Variants in PTCHD4 observed in about 807,000 individuals in gnomAD.
The protein encoded by PTCHD4 is patched domain-containing protein 4.
In PTCHD4, 33 loss-of-function variants were observed where a neutral mutation model predicts 58.1. That is an observed-to-expected ratio of 0.57 (90% CI 0.43 to 0.76). The LOEUF (loss-of-function observed/expected upper bound fraction) is 0.76, where lower values mean the gene tolerates loss of function less well. Ranked by LOEUF, PTCHD4 falls within the 30% of genes least tolerant of loss-of-function variation. The pLI, the probability that PTCHD4 is intolerant of heterozygous loss-of-function variation, is 0.00. For synonymous variants in PTCHD4, 478 were observed against 409.6 expected (o/e 1.17, Z -2.02); for missense variants, 1,058 against 1,027.1 (o/e 1.03, Z -0.41).
chr6:48,076,904 T>C (rs1374190657), intron 1 of PTCHD4, among the ~76,000 whole-genome samples: 1 of 152,240 alleles, frequency 6.6e-6, no homozygotes, highest in Admixed American at 6.5e-5. Flanking sequence ...GGTTGAAGTA[T>C]GGCTGCTGGG....
chr6:48,086,807 C>A (rs185794691), intron 1 of PTCHD4, among the ~76,000 whole-genome samples: 316 of 152,214 alleles, frequency 2.1e-3, no homozygotes, highest in Non-Finnish European at 3.8e-3. Flanking sequence ...TGAAACAATT[C>A]CACCTTGAGG....
In PTCHD4 at chr6:47,878,635, C is replaced by A. The variant is rs1456292213; in HGVS notation, c.2200G>T (p.Val734Leu). ...DHCAPLLFTF[V>L]LATEHTRTQC... ...GTTCGGGTGTGCTCAGTTGCTAATACAAATGTGAAAAGCAGTGGTGCACAG... is the reference window on the plus strand; with the variant it reads ...GTTCGGGTGTGCTCAGTTGCTAATAAAAATGTGAAAAGCAGTGGTGCACAG... The change falls in exon 5 of 5, where the codon GTA becomes TTA. Residue 734 changes from valine (V) to leucine (L), a missense_variant. Val to Leu is a conservative substitution (Grantham distance 32). Coordinates refer to ENST00000339488, the MANE Select transcript of PTCHD4 (RefSeq NM_001384253.1). 1 of 1,613,412 alleles carries A rather than the reference C, an allele frequency of 6.2e-7. No individual in the cohort carries two copies. Among genetic ancestry groups the A allele is most frequent in the Non-Finnish European group, 8.5e-7 (1 of 1,179,736 alleles).
At position 47,911,930 on chromosome 6, in the gene PTCHD4, G is replaced by A. The variant is rs1395888677; in HGVS notation, c.899-31994C>T. Among the ~76,000 whole-genome samples, 3 of 152,056 alleles carry A rather than the reference G, an allele frequency of 2.0e-5. No individual in the cohort carries two copies. The East Asian group carries it at 5.8e-4, about 29-fold the overall frequency. ...ATTCAATATTTAGAAGGTGGATAGT[G>A]GAGGAGGATTCAATGAAATAGACTG... is the stretch of plus-strand genomic sequence containing the variant. On this transcript the variant is annotated intron_variant, in intron 4 of 4. Coordinates refer to ENST00000339488, the MANE Select transcript of PTCHD4 (RefSeq NM_001384253.1).
intron 4 of PTCHD4, among the ~76,000 whole-genome samples, chr6:47,998,522 T>C (rs1255217816): frequency 1.3e-5 from 2 of 152,198 alleles, no homozygotes; most frequent in Admixed American, 1.3e-4. Context: ...TCTTTCTCAT[T>C]CCTAAACTTC....
At chr6:47,978,282 A>G (rs111544960) in intron 4 of PTCHD4, among the ~76,000 whole-genome samples, 104 of 152,234 alleles carry the variant, frequency 6.8e-4, no homozygotes, top group African/African-American at 2.3e-3. Context: ...TACTACTATT[A>G]CTGCTACTCA....
At chr6:48,037,618 A>G (rs1468844472) in intron 3 of PTCHD4, among the ~76,000 whole-genome samples, 1 of 152,168 alleles carries the variant, frequency 6.6e-6, no homozygotes, top group African/African-American at 2.4e-5. Flanking sequence ...AAAGAAGTTG[A>G]CAGAATTTAT....
rs529010077 is a variant in PTCHD4, at chr6:47,869,275, G to A, written c.*9028C>T. Among the ~76,000 whole-genome samples the A allele has an allele frequency of 2.0e-5, 3 of 151,792 alleles. No homozygotes were observed. The highest frequency in any genetic ancestry group is 2.4e-5 in the African/African-American group (1 of 41,452). On this transcript the variant is annotated 3_prime_UTR_variant, in exon 5 of 5. Transcript: ENST00000339488. ...ATGCCCCAGCTTGAAACTGTATAGC[G>A]TGCAGCCAAAGGGATGTGCTTTGTG...
chr6:48,107,473 G>A (rs1394750895), intron 1 of PTCHD4, among the ~76,000 whole-genome samples: 1 of 152,142 alleles, frequency 6.6e-6, no homozygotes, highest in African/African-American at 2.4e-5. Context: ...AGACTTAAAT[G>A]TTAGACCTAA....
At chr6:47,974,510 T>A (rs1047291889) in intron 4 of PTCHD4, among the ~76,000 whole-genome samples, 1 of 152,066 alleles carries the variant, frequency 6.6e-6, no homozygotes, top group Non-Finnish European at 1.5e-5. Flanking sequence ...GCTGGGTTTT[T>A]GTTGTTGTGG....
chr6:47,888,991 C>G (rs1270843441), intron 4 of PTCHD4, among the ~76,000 whole-genome samples: 60 of 47,808 alleles, frequency 1.3e-3, no homozygotes, highest in African/African-American at 4.8e-3. Context: ...ATGAACTCAT[C>G]ATTTTTTATG....
At chr6:47,964,260 T>G (rs1767203377) in intron 4 of PTCHD4, among the ~76,000 whole-genome samples, 1 of 152,218 alleles carries the variant, frequency 6.6e-6, no homozygotes, top group Non-Finnish European at 1.5e-5. Context: ...TGGTTAATGA[T>G]AGTGTATTAT....
chr6:47,897,580 C>T (rs1561944838), intron 4 of PTCHD4, among the ~76,000 whole-genome samples: 1 of 152,178 alleles, frequency 6.6e-6, no homozygotes, highest in East Asian at 1.9e-4. Context: ...ATTCTCCCTT[C>T]AGGTGAAGGA....
rs555050080 is a variant in PTCHD4 at position 47,886,603 on chromosome 6, C to T, written c.899-6667G>A. 8.9e-4 allele frequency among the ~76,000 whole-genome samples: 136 copies of T among 152,078 alleles called. 1 individual carries two copies. The highest frequency in any genetic ancestry group is 1.4e-3 in the Non-Finnish European group (94 of 68,000). ...TAATTGTGTTTGTGAAAATCACCCC[C>T]GATCGTGACATCCCAATGCCAACTA... On this transcript the variant is annotated intron_variant, in intron 4 of 4. Coordinates refer to ENST00000339488, the MANE Select transcript of PTCHD4 (RefSeq NM_001384253.1).
intron 4 of PTCHD4, among the ~76,000 whole-genome samples, chr6:47,919,578 C>T (rs1387519167): frequency 6.6e-6 from 1 of 151,992 alleles, no homozygotes; most frequent in Non-Finnish European, 1.5e-5. Context: ...AAGCCCCAGG[C>T]CATGAGCGTG....
At position 47,871,815 on chromosome 6, in the gene PTCHD4, C is replaced by T. The variant is rs1763719509; in HGVS notation, c.*6488G>A. ...TAGTTCAGAGCAAAAAAGTCTACTG[C>T]TGAAAAATATGCATAATTAACAGGA... On this transcript the variant is annotated 3_prime_UTR_variant, in exon 5 of 5. Transcript: ENST00000339488. 6.6e-6 allele frequency among the ~76,000 whole-genome samples: 1 copy of T among 151,490 alleles called. No individual in the cohort carries two copies. Among genetic ancestry groups the T allele is most frequent in the South Asian group, 2.1e-4 (1 of 4,822 alleles).
intron 4 of PTCHD4, among the ~76,000 whole-genome samples, chr6:48,002,190 G>A (rs1481866052): frequency 2.0e-5 from 3 of 152,196 alleles, no homozygotes; most frequent in Admixed American, 1.3e-4. Context: ...AACCATTGTG[G>A]AAGTCGGTGT....
intron 4 of PTCHD4, among the ~76,000 whole-genome samples, chr6:47,896,792 C>G (rs1338264912): frequency 6.6e-6 from 1 of 152,184 alleles, no homozygotes; most frequent in Non-Finnish European, 1.5e-5. Context: ...ATATTACACT[C>G]TCCTCTCATT....
rs1259283086 is a variant in PTCHD4, at chr6:47,857,911, A to G, written c.*20392T>C. Reference sequence around the variant, plus strand: ...GCAAACTGTAACTATAAATAGTTCTATATCAAGGTACACATATGTACCTTG... The same window carrying G: ...GCAAACTGTAACTATAAATAGTTCTGTATCAAGGTACACATATGTACCTTG... On this transcript the variant is annotated 3_prime_UTR_variant, in exon 5 of 5. Coordinates refer to ENST00000339488, the MANE Select transcript of PTCHD4 (RefSeq NM_001384253.1). 1.3e-5 allele frequency among the ~76,000 whole-genome samples: 2 copies of G among 152,046 alleles called. No homozygotes were observed. Among genetic ancestry groups the G allele is most frequent in the Admixed American group, 1.3e-4 (2 of 15,240 alleles).
rs189454079 is a variant in PTCHD4 at position 48,108,240 on chromosome 6, A to G, written c.-970+2809T>C. Reference sequence around the variant, plus strand: ...TGATGGACTGGATTAAGAAAATGTGACACATATACACCATGGAATACTATG... The same window carrying G: ...TGATGGACTGGATTAAGAAAATGTGGCACATATACACCATGGAATACTATG... On this transcript the variant is annotated intron_variant, in intron 1 of 4. Transcript: ENST00000339488. Among the ~76,000 whole-genome samples, 32 of 152,248 alleles carry G rather than the reference A, an allele frequency of 2.1e-4. No homozygotes were observed. The Middle Eastern group carries it at 0.01, about 49-fold the overall frequency.
Sources: allele counts gnomAD v4.1 joint callset (sites outside exome capture counted in the v4.1 genomes callset), GRCh38; gene constraint gnomAD v4.1.1; transcripts MANE v1.5; gene names NCBI Gene and HGNC (gene_info 2026-07-23, HGNC 2026-07-21).